The following ACAD10 variants were observed in gnomAD, a reference collection of about 807,000 sequenced individuals.
ACAD10 encodes the protein ACAD-10.
Under a neutral mutation model 116.8 loss-of-function variants are expected in ACAD10, and 112 were observed. That is an observed-to-expected ratio of 0.96 (90% CI 0.82 to 1.12). The LOEUF (loss-of-function observed/expected upper bound fraction) is 1.12. Ranked by LOEUF, ACAD10 falls within the 50% of genes most tolerant of loss-of-function variation. The pLI is 0.00. For missense variants in ACAD10, 1,259 were observed against 1,350.2 expected (o/e 0.93, Z 1.06); for synonymous variants, 486 against 510.6 (o/e 0.95, Z 0.65).
intron 11 of ACAD10, among the ~76,000 whole-genome samples, chr12:111,735,982 C>A (rs959329948): frequency 1.3e-5 from 2 of 151,716 alleles, no homozygotes; most frequent in East Asian, 1.9e-4. Flanking sequence ...CGGGTTCAAG[C>A]GATTCTCCGG....
At chr12:111,702,125 C>A in intron 2 of ACAD10, 37 bp from the exon 3 acceptor site, 1 of 1,601,382 alleles carries the variant, frequency 6.2e-7, no homozygotes, top group South Asian at 1.1e-5. Flanking sequence ...CAGCATGTAT[C>A]AATGTATTCC....
intron 1 of ACAD10, among the ~76,000 whole-genome samples, chr12:111,688,817 AAAG>A (rs1887957126): frequency 6.6e-6 from 1 of 152,058 alleles, no homozygotes; most frequent in African/African-American, 2.4e-5. Flanking sequence ...AAAACAAAAA[AAAG>A]AAAGCAAAAA....
chr12:111,756,138 G>A (rs1187627620), intron 20 of ACAD10, 195 bp from the exon 21 acceptor site: 2 of 1,424,726 alleles, frequency 1.4e-6, no homozygotes, highest in African/African-American at 2.9e-5. Context: ...TGGGCCTGGG[G>A]AGTCTGGAGG....
At chr12:111,697,351 C>A (rs1047158937) in intron 2 of ACAD10, among the ~76,000 whole-genome samples, 1 of 145,980 alleles carries the variant, frequency 6.9e-6, no homozygotes, top group Non-Finnish European at 1.5e-5. Context: ...TTTGTGGTTT[C>A]TTTTCTTTTC....
chr12:111,709,286 TCA>T (rs938125641), intron 4 of ACAD10, among the ~76,000 whole-genome samples: 1 of 152,204 alleles, frequency 6.6e-6, no homozygotes. Context: ...TTGCACAGGG[TCA>T]CAGTGTCTGA....
chr12:111,747,836 C>A, intron 16 of ACAD10: 1 of 844,738 alleles, frequency 1.2e-6, no homozygotes, highest in Middle Eastern at 5.9e-4. Flanking sequence ...GGAGCCCATA[C>A]CTCCCTGGAC....
rs1172879377 is a variant in ACAD10 at position 111,728,020 on chromosome 12, C to A, written c.1120C>A (p.Pro374Thr). 3 of 1,613,996 alleles carry A rather than the reference C, an allele frequency of 1.9e-6. No individual in the cohort carries two copies. The African/African-American group carries it at 4.0e-5, about 22-fold the overall frequency. The change falls in exon 9 of 21, where the codon CCT (proline) becomes ACT (threonine). Residue 374 changes from proline (P) to threonine (T), a missense_variant. Pro to Thr is a conservative substitution (Grantham distance 38, BLOSUM62 -1). Transcript: ENST00000313698. The part of the protein sequence containing the change: ...EYCPGLIYKD[P>T]SLPGLEPSHR... ...CTGCCCAGGTCTCATCTACAAAGAC[C>A]CTTCCCTGCCAGGCTTGGAGCCCAG...
intron 7 of ACAD10, among the ~76,000 whole-genome samples, chr12:111,719,736 A>C (rs145583214): frequency 2.6e-5 from 4 of 151,494 alleles, no homozygotes; most frequent in Non-Finnish European, 5.9e-5. Context: ...TATTATTTTT[A>C]TTATTTTTTG....
chr12:111,724,359 G>T (rs1003657564), intron 8 of ACAD10, among the ~76,000 whole-genome samples: 1 of 151,866 alleles, frequency 6.6e-6, no homozygotes, highest in Admixed American at 6.6e-5. Context: ...CATCCCAGAC[G>T]ATGGGCAGCC....
intron 5 of ACAD10, chr12:111,710,090 C>CTTT (rs762530458): frequency 2.3e-4 from 59 of 256,330 alleles, no homozygotes; most frequent in South Asian, 3.2e-4. Flanking sequence ...TTTTTCTATT[C>CTTT]TTTTTTTTTT....
intron 2 of ACAD10, among the ~76,000 whole-genome samples, chr12:111,696,679 G>T (rs1040793869): frequency 6.6e-6 from 1 of 152,048 alleles, no homozygotes; most frequent in African/African-American, 2.4e-5. Context: ...AAATTAGTAC[G>T]CACAACAAAG....
chr12:111,749,225 G>A lies in ACAD10; in HGVS notation c.2697G>A (p.Met899Ile), dbSNP rs747423412. 1 of 1,614,048 alleles carries A rather than the reference G, an allele frequency of 6.2e-7. No individual in the cohort carries two copies. The highest frequency in any genetic ancestry group is 1.1e-5 in the South Asian group (1 of 91,082). Reference sequence around the variant, plus strand: ...ACGTGCGTGTGCCCAAAGAGAACATGGTCCTGGGCCCTGGCCGAGGCTTTG... The same window carrying A: ...ACGTGCGTGTGCCCAAAGAGAACATAGTCCTGGGCCCTGGCCGAGGCTTTG... ...FEHVRVPKEN[M>I]VLGPGRGFEI... Residue 899 changes from methionine to isoleucine, a missense_variant, in exon 18 of 21, where the codon ATG becomes ATA. By Grantham distance (10) the Met-to-Ile change is conservative (BLOSUM62 1). Coordinates refer to ENST00000313698, the MANE Select transcript of ACAD10 (RefSeq NM_025247.6).
At position 111,729,963 on chromosome 12, in the gene ACAD10, G is replaced by A; in HGVS notation, c.1394+7G>A. On this transcript the variant is annotated splice_region_variant and intron_variant, in intron 10 of 20. Coordinates refer to ENST00000313698, the MANE Select transcript of ACAD10 (RefSeq NM_025247.6). ...TGGTGCACGGGGACTTCAGGTAGATGTGGTGGCAGGGAGAGCTGAAAAATG... is the reference window on the plus strand; with the variant it reads ...TGGTGCACGGGGACTTCAGGTAGATATGGTGGCAGGGAGAGCTGAAAAATG... 2 of 1,612,804 alleles carry A rather than the reference G, an allele frequency of 1.2e-6. No homozygotes were observed. The highest frequency in any genetic ancestry group is 1.7e-6 in the Non-Finnish European group (2 of 1,179,204).
At chr12:111,690,250 G>A (rs1887997677) in intron 1 of ACAD10, among the ~76,000 whole-genome samples, 1 of 151,998 alleles carries the variant, frequency 6.6e-6, no homozygotes, top group South Asian at 2.1e-4. Context: ...TCTTGGGGTT[G>A]GGACCCAAGG....
At chr12:111,699,668 C>T (rs1888293774) in intron 2 of ACAD10, among the ~76,000 whole-genome samples, 1 of 152,020 alleles carries the variant, frequency 6.6e-6, no homozygotes, top group African/African-American at 2.4e-5. Context: ...GGCTACGATC[C>T]CAGCACTTTG....
At position 111,745,038 on chromosome 12, in the gene ACAD10, C is replaced by T; in HGVS notation, c.2110C>T (p.Leu704Phe). Residue 704 changes from leucine (L) to phenylalanine (F), a missense_variant, in exon 13 of 21, where the codon CTC becomes TTC. Physicochemically the swap from Leu to Phe is conservative, Grantham distance 22. Coordinates refer to ENST00000313698, the MANE Select transcript of ACAD10 (RefSeq NM_025247.6). ...RWSPSPLIED[L>F]KEKAKAEGLW... Reference sequence around the variant, plus strand: ...GAGCCCCTCCCCACTGATCGAAGACCTCAAGGTAAAGCAGCCATGGTGAGG... The same window carrying T: ...GAGCCCCTCCCCACTGATCGAAGACTTCAAGGTAAAGCAGCCATGGTGAGG... The T allele has an allele frequency of 6.2e-7, 1 of 1,611,804 alleles. No individual in the cohort carries two copies. Among genetic ancestry groups the T allele is most frequent in the Non-Finnish European group, 8.5e-7 (1 of 1,179,154 alleles).
chr12:111,752,058 C>CAAA (rs545625198), intron 18 of ACAD10, among the ~76,000 whole-genome samples: 1 of 104,604 alleles, frequency 9.6e-6, no homozygotes, highest in African/African-American at 3.2e-5. Context: ...TACTCTGTCT[C>CAAA]AAAAAAAAAA....
At chr12:111,709,210 G>A (rs552491764) in intron 4 of ACAD10, among the ~76,000 whole-genome samples, 16 of 152,112 alleles carry the variant, frequency 1.1e-4, no homozygotes, top group South Asian at 4.1e-4. Context: ...AGATAGGTAC[G>A]ATGACTATTA....
intron 2 of ACAD10, among the ~76,000 whole-genome samples, chr12:111,700,805 C>G (rs968828011): frequency 7.5e-6 from 1 of 133,870 alleles, no homozygotes; most frequent in Non-Finnish European, 1.5e-5. Context: ...TGTCCCTAGG[C>G]TGCAGTGCGG....
Sources: gnomAD v4.1 joint callset for allele counts (sites outside exome capture counted in the v4.1 genomes callset) on GRCh38, gnomAD v4.1.1 for gene constraint, MANE v1.5 for transcripts, NCBI Gene and HGNC (gene_info 2026-07-23, HGNC 2026-07-21) for gene names.